The following ZNF536 variants were observed in gnomAD, a reference collection of about 807,000 sequenced individuals.
The protein encoded by ZNF536 is zinc finger protein 536.
In ZNF536, 13 loss-of-function variants were observed where a neutral mutation model predicts 84.5. That is an observed-to-expected ratio of 0.15 (90% CI 0.10 to 0.24). ZNF536 has a LOEUF of 0.24. Among genes scored for constraint, ZNF536 ranks in the 10% least tolerant of loss-of-function variants. ZNF536 has a pLI of 1.00. For missense variants in ZNF536, 1,536 were observed against 1,747.5 expected (o/e 0.88, Z 2.16); for synonymous variants, 811 against 742.5 (o/e 1.09, Z -1.50).
At chr19:30,517,406 G>A (rs1568506739) in intron 2 of ZNF536, among the ~76,000 whole-genome samples, 1 of 152,144 alleles carries the variant, frequency 6.6e-6, no homozygotes, top group Non-Finnish European at 1.5e-5. Flanking sequence ...GGGCCAGCCA[G>A]GTAGTGAGGG....
chr19:30,307,075 G>A (rs561070361), intron 2 of ZNF536, among the ~76,000 whole-genome samples: 1 of 152,194 alleles, frequency 6.6e-6, no homozygotes, highest in African/African-American at 2.4e-5. Flanking sequence ...TCTGGAGTGG[G>A]TGTTTTATTA....
chr19:30,269,591 T>C (rs1327231055), intron 1 of ZNF536, among the ~76,000 whole-genome samples: 1 of 152,122 alleles, frequency 6.6e-6, no homozygotes, highest in Non-Finnish European at 1.5e-5. Flanking sequence ...TAGGAATAAT[T>C]TGAGGGTACT....
chr19:30,617,640 A>G (rs533427594), intron 1 of ZNF536, among the ~76,000 whole-genome samples: 73 of 151,748 alleles, frequency 4.8e-4, no homozygotes, highest in African/African-American at 1.5e-3. Context: ...ATGAGCCACC[A>G]CACCTGGCCT....
At chr19:30,340,074 G>A (rs531716959) in intron 2 of ZNF536, among the ~76,000 whole-genome samples, 14 of 152,240 alleles carry the variant, frequency 9.2e-5, no homozygotes, top group East Asian at 1.9e-4. Context: ...CTTCCCGCCC[G>A]TCCCAGCTCC....
At chr19:30,457,219 G>A (rs1427948663) in intron 2 of ZNF536, among the ~76,000 whole-genome samples, 1 of 152,216 alleles carries the variant, frequency 6.6e-6, no homozygotes, top group Non-Finnish European at 1.5e-5. Flanking sequence ...ATCTGAAAGG[G>A]CAAGGAACCA....
chr19:30,537,380 G>C (rs1368649727), intron 3 of ZNF536, among the ~76,000 whole-genome samples: 1 of 152,182 alleles, frequency 6.6e-6, no homozygotes, highest in Non-Finnish European at 1.5e-5. Flanking sequence ...TGCTTGAGCT[G>C]CCTGCAGGAG....
At chr19:30,283,029 A>G (rs1466250653) in intron 1 of ZNF536, among the ~76,000 whole-genome samples, 1 of 152,220 alleles carries the variant, frequency 6.6e-6, no homozygotes, top group Non-Finnish European at 1.5e-5. Context: ...AGTTGAATGA[A>G]GTGTTGCAAG....
intron 2 of ZNF536, among the ~76,000 whole-genome samples, chr19:30,314,067 A>G (rs1417239091): frequency 6.6e-6 from 1 of 152,194 alleles, no homozygotes; most frequent in Non-Finnish European, 1.5e-5. Context: ...GTGGCCCTGC[A>G]TGGCTGGTGT....
intron 1 of ZNF536, among the ~76,000 whole-genome samples, chr19:30,689,076 A>G (rs1211399680): frequency 1.3e-5 from 2 of 152,210 alleles, no homozygotes; most frequent in Non-Finnish European, 2.9e-5. Flanking sequence ...CCATTCGGAG[A>G]GAGGCACTAG....
chr19:30,286,536 GAGAGAGAGAGAA>G (rs1438630324), intron 2 of ZNF536, among the ~76,000 whole-genome samples: 2 of 136,396 alleles, frequency 1.5e-5, no homozygotes, highest in Admixed American at 7.6e-5. Context: ...GAGACAGAGA[GAGAGAGAGAGAA>G]AGAGAGAGAC....
intron 1 of ZNF536, among the ~76,000 whole-genome samples, chr19:30,695,063 G>A (rs908206767): frequency 1.3e-5 from 2 of 152,098 alleles, no homozygotes; most frequent in African/African-American, 2.4e-5. Flanking sequence ...TAATAGCTGA[G>A]ATTGGGGTTA....
intron 2 of ZNF536, among the ~76,000 whole-genome samples, chr19:30,463,446 G>T (rs892905684): frequency 2.6e-5 from 4 of 152,148 alleles, no homozygotes; most frequent in African/African-American, 9.7e-5. Flanking sequence ...GAAGAAGCTG[G>T]GGCTTGAGGC....
chr19:30,543,886 G>A (rs1257767190), intron 3 of ZNF536, among the ~76,000 whole-genome samples: 2 of 152,148 alleles, frequency 1.3e-5, no homozygotes, highest in Admixed American at 6.5e-5. Context: ...GGGCTCTAAG[G>A]AGGTTCACAG....
chr19:30,317,087 C>T (rs2046703510), intron 2 of ZNF536, among the ~76,000 whole-genome samples: 1 of 152,168 alleles, frequency 6.6e-6, no homozygotes, highest in African/African-American at 2.4e-5. Flanking sequence ...CTCTGATAGC[C>T]TGTAGTTCAA....
chr19:30,238,517 G>C (rs1382044552), intron 1 of ZNF536, among the ~76,000 whole-genome samples: 1 of 151,974 alleles, frequency 6.6e-6, no homozygotes, highest in East Asian at 1.9e-4. Flanking sequence ...CTGGATTCCT[G>C]GTAGGGACAT....
At chr19:30,411,164 G>A (rs1728496115) in intron 1 of ZNF536, among the ~76,000 whole-genome samples, 1 of 152,158 alleles carries the variant, frequency 6.6e-6, no homozygotes, top group African/African-American at 2.4e-5. Flanking sequence ...ACCTCCAAGT[G>A]GCATTGTTAG....
intron 2 of ZNF536, among the ~76,000 whole-genome samples, chr19:30,511,098 C>T (rs182339574): frequency 6.6e-6 from 1 of 152,250 alleles, no homozygotes; most frequent in Admixed American, 6.5e-5. Flanking sequence ...GTTTTCAGAG[C>T]CTGAATGGAG....
At chr19:30,433,485 ATTTG>A (rs997804191) in intron 1 of ZNF536, among the ~76,000 whole-genome samples, 130 of 152,280 alleles carry the variant, frequency 8.5e-4, no homozygotes, top group African/African-American at 2.9e-3. Flanking sequence ...CAACAGGAGC[ATTTG>A]TTTGTTTGTT....
At chr19:30,347,895 AC>A (rs1320466188) in intron 2 of ZNF536, among the ~76,000 whole-genome samples, 1 of 152,026 alleles carries the variant, frequency 6.6e-6, no homozygotes, top group African/African-American at 2.4e-5. Flanking sequence ...GGGTGACCAA[AC>A]CCCTAAACAG....
Sources: gnomAD v4.1 joint callset for allele counts (sites outside exome capture counted in the v4.1 genomes callset) on GRCh38, gnomAD v4.1.1 for gene constraint, MANE v1.5 for transcripts, NCBI Gene and HGNC (gene_info 2026-07-23, HGNC 2026-07-21) for gene names.